GAS7: variants seen among roughly 807,000 people sequenced by gnomAD.
GAS7 encodes growth arrest-specific protein 7.
GAS7 carries 28 observed loss-of-function variants against 71.1 expected under a neutral mutation model. That is an observed-to-expected ratio of 0.39 (90% CI 0.29 to 0.54). GAS7 has a LOEUF of 0.54. Among genes scored for constraint, GAS7 ranks in the 20% least tolerant of loss-of-function variants. The probability of loss-of-function intolerance (pLI) is 0.62; values close to 1 mark genes in which losing one functional copy is unlikely to be tolerated. For missense variants in GAS7, 436 were observed against 627.8 expected, an observed-to-expected ratio of 0.69 and a Z score of 3.27; for synonymous variants, 258 against 245.8, an observed-to-expected ratio of 1.05 and a Z score of -0.46.
At chr17:10,066,513 T>C (rs1348920923) in intron 1 of GAS7, among the ~76,000 whole-genome samples, 4 of 152,116 alleles carry the variant, frequency 2.6e-5, no homozygotes, top group Non-Finnish European at 4.4e-5. Flanking sequence ...TTGTTTTTTG[T>C]TTTGCAGAGA....
chr17:10,024,267 G>A (rs1032151572), intron 1 of GAS7, among the ~76,000 whole-genome samples: 1 of 152,210 alleles, frequency 6.6e-6, no homozygotes, highest in African/African-American at 2.4e-5. Flanking sequence ...AGAGGGGCAA[G>A]AGCAGCCGGC....
chr17:10,101,915 T>C (rs770161318), intron 1 of GAS7, among the ~76,000 whole-genome samples: 58 of 152,140 alleles, frequency 3.8e-4, no homozygotes, highest in Non-Finnish European at 7.6e-4. Context: ...GGCCCTGCCC[T>C]CTGCCTGTCT....
intron 13 of GAS7, 110 bp from the exon 14 acceptor site, chr17:9,917,451 A>G: frequency 1.3e-6 from 1 of 788,860 alleles, no homozygotes. Context: ...CAGCCTCTCT[A>G]GAGGGCTCCG....
At chr17:10,055,977 G>C (rs1359205066) in intron 1 of GAS7, among the ~76,000 whole-genome samples, 2 of 152,188 alleles carry the variant, frequency 1.3e-5, no homozygotes, top group African/African-American at 4.8e-5. Context: ...TGACCCGCCA[G>C]GTAGAAGTGA....
intron 1 of GAS7, among the ~76,000 whole-genome samples, chr17:10,137,163 C>A (rs917702680): frequency 6.6e-5 from 10 of 151,976 alleles, no homozygotes; most frequent in Non-Finnish European, 1.3e-4. Flanking sequence ...CCCTCTCCTA[C>A]CTGCTCACCC....
rs60319441 is a variant in GAS7, at chr17:10,093,552, C to CAAAA, written c.184-73659_184-73656dup. 8.0e-3 allele frequency among the ~76,000 whole-genome samples: 515 copies of CAAAA among 64,448 alleles called. 15 individuals carry two copies. Among genetic ancestry groups the CAAAA allele is most frequent in the African/African-American group, 0.021 (314 of 15,110 alleles). The allele number at this position is 64,448 out of a possible 152,430, so 42.3% of individuals were successfully genotyped here. On this transcript the variant is annotated intron_variant, in intron 1 of 13. Transcript: ENST00000432992. ...CTGGCAACAGAGTGAGACTCCGTCT[C>CAAAA]AAAAAAAAAAAAAAAAAAAAAGCTG...
At chr17:10,117,856 C>A (rs1449742951) in intron 1 of GAS7, among the ~76,000 whole-genome samples, 1 of 152,072 alleles carries the variant, frequency 6.6e-6, no homozygotes, top group African/African-American at 2.4e-5. Flanking sequence ...ATCTGTTTTG[C>A]AAGAAGGGCC....
At chr17:9,983,082 C>A (rs1421925657) in intron 2 of GAS7, among the ~76,000 whole-genome samples, 4 of 152,184 alleles carry the variant, frequency 2.6e-5, no homozygotes, top group African/African-American at 4.8e-5. Context: ...GAGGTCATCA[C>A]CATCAACATT....
chr17:9,919,374 G>T lies in GAS7; in HGVS notation c.1218+252C>A, dbSNP rs1383605850. On this transcript the variant is annotated intron_variant, in intron 12 of 13. Coordinates refer to ENST00000432992, the MANE Select transcript of GAS7 (RefSeq NM_201433.2). The surrounding 1 kb of genome is among the most constrained non-coding windows in gnomAD (Gnocchi z 5.0). ...CTCAGTTGACCCTGACCTCTCAGGG[G>T]ACAGCCCAAGAAGGATGTAGCCATA... Among the ~76,000 whole-genome samples the T allele has an allele frequency of 2.0e-5, 3 of 152,076 alleles. No homozygotes were observed. The highest frequency in any genetic ancestry group is 4.8e-5 in the African/African-American group (2 of 41,398).
At chr17:10,012,952 A>T (rs2071834097) in intron 2 of GAS7, among the ~76,000 whole-genome samples, 2 of 151,702 alleles carry the variant, frequency 1.3e-5, no homozygotes, top group South Asian at 4.2e-4. Context: ...AAATACAAAA[A>T]ATTAGCCGGG....
intron 9 of GAS7, among the ~76,000 whole-genome samples, chr17:9,931,532 G>A (rs1320051744): frequency 6.6e-6 from 1 of 152,192 alleles, no homozygotes; most frequent in African/African-American, 2.4e-5. Context: ...TACCACAGCA[G>A]AGAATGGAGC....
chr17:10,062,313 C>T (rs534671400), intron 1 of GAS7, among the ~76,000 whole-genome samples: 23 of 152,296 alleles, frequency 1.5e-4, no homozygotes, highest in Non-Finnish European at 3.2e-4. Context: ...GGCGAAACCT[C>T]GTCTCTACTA....
intron 1 of GAS7, among the ~76,000 whole-genome samples, chr17:10,130,417 G>A (rs1044146933): frequency 5.9e-5 from 9 of 151,264 alleles, no homozygotes; most frequent in African/African-American, 2.2e-4. Flanking sequence ...TGGTGGTACA[G>A]CAGCCTTGGA....
chr17:10,153,147 T>A (rs1597823072), intron 1 of GAS7, among the ~76,000 whole-genome samples: 1 of 143,868 alleles, frequency 7.0e-6, no homozygotes, highest in Non-Finnish European at 1.5e-5. Flanking sequence ...GAGGAGGAGG[T>A]TACACTGAGC....
chr17:9,977,229 T>C (rs2070240542), intron 3 of GAS7, among the ~76,000 whole-genome samples: 1 of 152,218 alleles, frequency 6.6e-6, no homozygotes, highest in African/African-American at 2.4e-5. Context: ...ATTCAGCTCC[T>C]TGGACATACC....
chr17:10,177,745 T>C (rs955323562), intron 1 of GAS7, among the ~76,000 whole-genome samples: 2 of 152,156 alleles, frequency 1.3e-5, no homozygotes, highest in African/African-American at 4.8e-5. Context: ...ACATCAGTCC[T>C]CATTTGCAAG....
chr17:10,112,425 A>C (rs2073822016), intron 1 of GAS7, among the ~76,000 whole-genome samples: 1 of 152,136 alleles, frequency 6.6e-6, no homozygotes, highest in Non-Finnish European at 1.5e-5. Flanking sequence ...GGAAAAGATA[A>C]TAGGAGTAGC....
intron 2 of GAS7, among the ~76,000 whole-genome samples, chr17:9,998,415 C>T (rs1375419941): frequency 6.6e-6 from 1 of 152,160 alleles, no homozygotes; most frequent in African/African-American, 2.4e-5. Flanking sequence ...TCCTCTTCCA[C>T]GATGAGTGGC....
intron 1 of GAS7, among the ~76,000 whole-genome samples, chr17:10,159,708 C>T (rs1412309486): frequency 6.6e-6 from 1 of 151,690 alleles, no homozygotes. Flanking sequence ...GGGTAAGTTC[C>T]GTGTCTGACG....
Sources: allele counts gnomAD v4.1 joint callset (sites outside exome capture counted in the v4.1 genomes callset), GRCh38; gene constraint gnomAD v4.1.1; non-coding constraint Gnocchi (gnomAD v3.1); transcripts MANE v1.5; gene names NCBI Gene and HGNC (gene_info 2026-07-23, HGNC 2026-07-21).